VAMP1: variants seen among roughly 807,000 people sequenced by gnomAD.
VAMP1 encodes the protein vesicle-associated membrane protein 1.
A neutral mutation model predicts 19.1 loss-of-function variants in VAMP1; 16 were observed. The observed-to-expected ratio is 0.84, with a 90% CI of 0.57 to 1.27. VAMP1 has a LOEUF of 1.27. Among genes scored for constraint, VAMP1 ranks in the 50% most tolerant of loss-of-function variants. The probability of loss-of-function intolerance (pLI) is 0.00; values close to 1 mark genes in which losing one functional copy is unlikely to be tolerated. For synonymous variants in VAMP1, 37 were observed against 50.2 expected (o/e 0.74, Z 1.11); for missense variants, 109 against 145.4 (o/e 0.75, Z 1.29).
In VAMP1 at chr12:6,470,607, T is replaced by G; in HGVS notation, c.-76A>C. 6.3e-7 allele frequency: 1 copy of G among 1,594,184 alleles called. No individual in the cohort carries two copies. On this transcript the variant is annotated 5_prime_UTR_variant, in exon 1 of 5. Coordinates refer to ENST00000396308, the MANE Select transcript of VAMP1 (RefSeq NM_014231.5). ...GACACCCGGTGAGGGACGCTGCGGC[T>G]GAAGTGGACGGAACTGCCAAGCTCC...
rs762004559 is a variant in VAMP1, at chr12:6,463,108, T to C, written c.*1362A>G. On this transcript the variant is annotated 3_prime_UTR_variant, in exon 5 of 5. Coordinates refer to ENST00000396308, the MANE Select transcript of VAMP1 (RefSeq NM_014231.5). The surrounding 1 kb of genome is among the most constrained non-coding windows in gnomAD (Gnocchi z 4.0). ...TGAAGCTCAGCAATTGCCCCGAAGA[T>C]AGGCTGAGCAGATCCCATCCTCAGG... The C allele has an allele frequency of 4.0e-6, 6 of 1,510,894 alleles. No homozygotes were observed. Among genetic ancestry groups the C allele is most frequent in the Non-Finnish European group, 5.3e-6 (6 of 1,132,968 alleles). The allele number at this position is 1,510,894 out of a possible 1,614,324, so 93.6% of individuals were successfully genotyped here. A position where few individuals can be genotyped will look rare whatever the true frequency, so the allele number is the denominator to read the frequency against.
At position 6,464,453 on chromosome 12, in the gene VAMP1, G is replaced by T. The variant is rs748627588; in HGVS notation, c.*17C>A. ...AATGTGGATGGCAATGGACAACAGG[G>T]AAGGGGTGGTACATTCTCAAGTAAA... On this transcript the variant is annotated 3_prime_UTR_variant, in exon 5 of 5. Coordinates refer to ENST00000396308, the MANE Select transcript of VAMP1 (RefSeq NM_014231.5). 12 of 1,564,548 alleles carry T rather than the reference G, an allele frequency of 7.7e-6. No homozygotes were observed. The highest frequency in any genetic ancestry group is 5.5e-5 in the African/African-American group (4 of 73,394).
At position 6,463,448 on chromosome 12, in the gene VAMP1, T is replaced by C; in HGVS notation, c.*1022A>G. 9.6e-7 allele frequency: 1 copy of C among 1,042,484 alleles called. No homozygotes were observed. The highest frequency in any genetic ancestry group is 3.2e-5 in the South Asian group (1 of 31,498). 64.6% of individuals were successfully genotyped at this position (1,042,484 alleles called of 1,614,324 possible). ...GCACGGGTGGTGTGGAGGAAAGGAT[T>C]CCATGGGTGTCCAAAGATCTCACAC... On this transcript the variant is annotated 3_prime_UTR_variant, in exon 5 of 5. Transcript: ENST00000396308. This position sits in a 1 kb window ranked among gnomAD's most constrained non-coding sequence, Gnocchi z 4.0.
rs554034806 is a variant in VAMP1, at chr12:6,465,261, T to C, written c.289-320A>G. ...TGGATATTTAACCAATTAGTTCAAT[T>C]TTCACTGTGAAGTGTTCAGCTCATT... On this transcript the variant is annotated intron_variant, in intron 3 of 4. Coordinates refer to ENST00000396308, the MANE Select transcript of VAMP1 (RefSeq NM_014231.5). The C allele has an allele frequency of 2.0e-5, 9 of 443,700 alleles. No individual in the cohort carries two copies. The East Asian group carries it at 5.8e-4, about 29-fold the overall frequency. The allele number at this position is 443,700 out of a possible 1,614,324, so 27.5% of individuals were successfully genotyped here.
At chr12:6,465,352 A>T (rs1407757872) in intron 3 of VAMP1, 11 of 306,640 alleles carry the variant, frequency 3.6e-5, no homozygotes, top group Middle Eastern at 1.9e-3. Flanking sequence ...AAAGAAAAAG[A>T]AAAAAGTATA....
chr12:6,470,262 G>A (rs777559588), intron 1 of VAMP1, among the ~76,000 whole-genome samples: 11 of 151,288 alleles, frequency 7.3e-5, no homozygotes, highest in Non-Finnish European at 1.3e-4. Flanking sequence ...AAACCAGAAT[G>A]AGGCGCCACT....
In VAMP1 at chr12:6,463,950, T is replaced by C. The variant is rs1160707584; in HGVS notation, c.*520A>G. 4 of 1,289,872 alleles carry C rather than the reference T, an allele frequency of 3.1e-6. No individual in the cohort carries two copies. The highest frequency in any genetic ancestry group is 4.0e-6 in the Non-Finnish European group (4 of 989,232). The allele number at this position is 1,289,872 out of a possible 1,614,324, so 79.9% of individuals were successfully genotyped here. ...AAAAGGGTACTGCACTGAAACCAAG[T>C]TGGACTTTGGTCCACCCCCAGGACC... On this transcript the variant is annotated 3_prime_UTR_variant, in exon 5 of 5. Transcript: ENST00000396308. This position sits in a 1 kb window ranked among gnomAD's most constrained non-coding sequence, Gnocchi z 4.0.
chr12:6,463,577 G>T lies in VAMP1; in HGVS notation c.*893C>A. 1 of 1,062,466 alleles carries T rather than the reference G, an allele frequency of 9.4e-7. No individual in the cohort carries two copies. The highest frequency in any genetic ancestry group is 1.1e-6 in the Non-Finnish European group (1 of 875,350). 65.8% of individuals were successfully genotyped at this position (1,062,466 alleles called of 1,614,324 possible). A position where few individuals can be genotyped will look rare whatever the true frequency, so the allele number is the denominator to read the frequency against. On this transcript the variant is annotated 3_prime_UTR_variant, in exon 5 of 5. Coordinates refer to ENST00000396308, the MANE Select transcript of VAMP1 (RefSeq NM_014231.5). The surrounding 1 kb of genome is among the most constrained non-coding windows in gnomAD (Gnocchi z 4.0). Reference sequence around the variant, plus strand: ...TCTGAGCTTGTTACTTTCAAATTAAGCACTTGACTCACTGTTTCTCTATAA... The same window carrying T: ...TCTGAGCTTGTTACTTTCAAATTAATCACTTGACTCACTGTTTCTCTATAA...
Position 6,463,633 on chromosome 12 carries a change from A to G in VAMP1, c.*837T>C. The G allele has an allele frequency of 9.2e-7, 1 of 1,081,418 alleles. No individual in the cohort carries two copies. The highest frequency in any genetic ancestry group is 2.5e-5 in the South Asian group (1 of 40,478). 67.0% of individuals were successfully genotyped at this position (1,081,418 alleles called of 1,614,324 possible). Reference sequence around the variant, plus strand: ...AGGCAATCTCTCTCTTTATGCCAACAATTAACTGGGAGCTAGGTTAAATTA... The same window carrying G: ...AGGCAATCTCTCTCTTTATGCCAACGATTAACTGGGAGCTAGGTTAAATTA... On this transcript the variant is annotated 3_prime_UTR_variant, in exon 5 of 5. Coordinates refer to ENST00000396308, the MANE Select transcript of VAMP1 (RefSeq NM_014231.5). This position sits in a 1 kb window ranked among gnomAD's most constrained non-coding sequence, Gnocchi z 4.0.
At chr12:6,465,773 C>T in intron 3 of VAMP1, 69 bp downstream of exon 3, 1 of 1,580,540 alleles carries the variant, frequency 6.3e-7, no homozygotes. Flanking sequence ...AATGTAGAAG[C>T]TGAGGGTTTT....
At chr12:6,467,298 C>T (rs1298220673) in intron 1 of VAMP1, among the ~76,000 whole-genome samples, 1 of 152,078 alleles carries the variant, frequency 6.6e-6, no homozygotes, top group Non-Finnish European at 1.5e-5. Context: ...CAGAAGAAGA[C>T]AGGAAAATGC....
rs770880125 is a variant in VAMP1 at position 6,464,326 on chromosome 12, G to A, written c.*144C>T. 34 of 1,548,526 alleles carry A rather than the reference G, an allele frequency of 2.2e-5. No individual in the cohort carries two copies. The highest frequency in any genetic ancestry group is 2.8e-5 in the Non-Finnish European group (32 of 1,145,638). ...GTTGAGGGACAGAGTGCAAATGAAC[G>A]CAACGAAAAAGGAGGAATGGGTGAT... On this transcript the variant is annotated 3_prime_UTR_variant, in exon 5 of 5. Transcript: ENST00000396308.
Position 6,463,449 on chromosome 12 carries a change from C to T in VAMP1, c.*1021G>A, listed in dbSNP as rs1243006196. On this transcript the variant is annotated 3_prime_UTR_variant, in exon 5 of 5. Coordinates refer to ENST00000396308, the MANE Select transcript of VAMP1 (RefSeq NM_014231.5). The surrounding 1 kb of genome is among the most constrained non-coding windows in gnomAD (Gnocchi z 4.0). ...CACGGGTGGTGTGGAGGAAAGGATT[C>T]CATGGGTGTCCAAAGATCTCACACT... 1 of 1,042,138 alleles carries T rather than the reference C, an allele frequency of 9.6e-7. No individual in the cohort carries two copies. The highest frequency in any genetic ancestry group is 1.7e-5 in the African/African-American group (1 of 58,348). The allele number at this position is 1,042,138 out of a possible 1,614,324, so 64.6% of individuals were successfully genotyped here.
Position 6,464,097 on chromosome 12 carries a change from G to A in VAMP1, c.*373C>T, listed in dbSNP as rs1439147729. 7.6e-7 allele frequency: 1 copy of A among 1,313,582 alleles called. No individual in the cohort carries two copies. Among genetic ancestry groups the A allele is most frequent in the Non-Finnish European group, 1.0e-6 (1 of 1,004,708 alleles). The allele number at this position is 1,313,582 out of a possible 1,614,324, so 81.4% of individuals were successfully genotyped here. ...CCAGGTTTTCTAGAAGTCACCATGG[G>A]CACCGATACTCTTCTCCTCCCAAGT... is the stretch of plus-strand genomic sequence containing the variant. On this transcript the variant is annotated 3_prime_UTR_variant, in exon 5 of 5. Coordinates refer to ENST00000396308, the MANE Select transcript of VAMP1 (RefSeq NM_014231.5).
Position 6,462,715 on chromosome 12 carries a change from CAGT to C in VAMP1, c.*1752_*1754del. 1 of 1,092,646 alleles carries C rather than the reference CAGT, an allele frequency of 9.2e-7. No individual in the cohort carries two copies. The highest frequency in any genetic ancestry group is 1.3e-6 in the Non-Finnish European group (1 of 764,590). The allele number at this position is 1,092,646 out of a possible 1,614,324, so 67.7% of individuals were successfully genotyped here. A position where few individuals can be genotyped will look rare whatever the true frequency, so the allele number is the denominator to read the frequency against. ...CTCCAGGCTTGGGACACATCGAGGACAGTGGTGGTTCTTCTCCAGCGGTGACCC... is the reference window on the plus strand; with the variant it reads ...CTCCAGGCTTGGGACACATCGAGGACGGTGGTTCTTCTCCAGCGGTGACCC... On this transcript the variant is annotated 3_prime_UTR_variant, in exon 5 of 5. Transcript: ENST00000396308.
chr12:6,466,403 C>T (rs779675614), intron 1 of VAMP1, 52 bp from the exon 2 acceptor site: 75 of 1,577,510 alleles, frequency 4.8e-5, no homozygotes, highest in Admixed American at 1.9e-4. Context: ...AAGAAAGGAG[C>T]TGGGCGTGGT....
Position 6,462,817 on chromosome 12 carries a change from C to T in VAMP1, c.*1653G>A, listed in dbSNP as rs1217813423. On this transcript the variant is annotated 3_prime_UTR_variant, in exon 5 of 5. Transcript: ENST00000396308. ...GGGGCCGTTGGGAGGGTACTGACTG[C>T]TTTCTTCCAGCTCTTCAGTCCCGCC... The T allele has an allele frequency of 1.9e-6, 3 of 1,603,644 alleles. No individual in the cohort carries two copies. The Middle Eastern group carries it at 5.0e-4, about 266-fold the overall frequency.
intron 4 of VAMP1, chr12:6,464,689 C>T (rs1009142354): frequency 6.7e-7 from 1 of 1,493,668 alleles, no homozygotes; most frequent in Admixed American, 2.6e-5. Context: ...CCCTGCAATG[C>T]GTTGCAGGGG....
chr12:6,463,396 C>A lies in VAMP1; in HGVS notation c.*1074G>T. ...ATCGGCCGGGCCCCAGGAAGAACCA[C>A]TTGCCTCATCCCTGTCTTTGGCAAG... is the stretch of plus-strand genomic sequence containing the variant. On this transcript the variant is annotated 3_prime_UTR_variant, in exon 5 of 5. Transcript: ENST00000396308. This position sits in a 1 kb window ranked among gnomAD's most constrained non-coding sequence, Gnocchi z 4.0. 1 of 1,064,052 alleles carries A rather than the reference C, an allele frequency of 9.4e-7. No individual in the cohort carries two copies. Among genetic ancestry groups the A allele is most frequent in the Non-Finnish European group, 1.1e-6 (1 of 876,478 alleles). 65.9% of individuals were successfully genotyped at this position (1,064,052 alleles called of 1,614,324 possible).
Sources: allele counts gnomAD v4.1 joint callset (sites outside exome capture counted in the v4.1 genomes callset), GRCh38; gene constraint gnomAD v4.1.1; non-coding constraint Gnocchi (gnomAD v3.1); transcripts MANE v1.5; gene names NCBI Gene and HGNC (gene_info 2026-07-23, HGNC 2026-07-21).